DNAH10: variants seen among roughly 807,000 people sequenced by gnomAD.
The protein encoded by DNAH10 is axonemal beta dynein heavy chain 10.
A neutral mutation model predicts 506.6 loss-of-function variants in DNAH10; 348 were observed. The ratio of observed to expected loss-of-function variants is 0.69; its 90% CI spans 0.63 to 0.75. DNAH10 has a LOEUF of 0.75. Ranked by LOEUF, DNAH10 falls within the 30% of genes least tolerant of loss-of-function variation. The pLI is 0.00. For missense variants in DNAH10, 5,179 were observed against 5,787.1 expected (o/e 0.89, Z 3.41); for synonymous variants, 2,059 against 2,198.6 (o/e 0.94, Z 1.78).
chr12:123,826,872 C>T lies in DNAH10; in HGVS notation c.4365C>T (p.Asp1455=). The change falls in exon 25 of 79, where the codon GAC becomes GAT. Residue 1455 remains aspartate (D), a synonymous_variant. Transcript: ENST00000673944. The part of the protein sequence containing the change: ...AFKDSIPLLL[D]LKNEALRDRH... ...AAGACTCGATTCCTTTACTTCTTGA[C>T]TTGAAAAACGAGGCACTAAGAGACA... 6.2e-7 allele frequency: 1 copy of T among 1,613,384 alleles called. No homozygotes were observed. Among genetic ancestry groups the T allele is most frequent in the Non-Finnish European group, 8.5e-7 (1 of 1,179,550 alleles).
At chr12:123,900,274 C>T (rs1953459996) in intron 56 of DNAH10, among the ~76,000 whole-genome samples, 1 of 152,070 alleles carries the variant, frequency 6.6e-6, no homozygotes, top group South Asian at 2.1e-4. Context: ...TATTCCTGGC[C>T]CCCTAGATGT....
chr12:123,852,317 A>T (rs1951207524), intron 35 of DNAH10, among the ~76,000 whole-genome samples: 1 of 152,220 alleles, frequency 6.6e-6, no homozygotes, highest in East Asian at 1.9e-4. Flanking sequence ...CATACGTAAG[A>T]TCTTTCCAGA....
At chr12:123,927,105 C>T (rs57352016) in intron 69 of DNAH10, 11,389 of 406,240 alleles carry the variant, frequency 0.028, 899 homozygotes, top group African/African-American at 0.19. Context: ...TGCAGTGGTG[C>T]GAACATAGCT....
In DNAH10 at chr12:123,914,322, G is replaced by T; in HGVS notation, c.10353-7G>T. 1 of 1,609,586 alleles carries T rather than the reference G, an allele frequency of 6.2e-7. No homozygotes were observed. The highest frequency in any genetic ancestry group is 8.5e-7 in the Non-Finnish European group (1 of 1,177,674). ...CTCACGGCAGCCTCCCTCTCCTCCC[G>T]TGCCAGGTGGCTGAACGACCTGGAT... On this transcript the variant is annotated splice_polypyrimidine_tract_variant and splice_region_variant and intron_variant, in intron 60 of 78. Transcript: ENST00000673944.
rs751357080 is a variant in DNAH10, at chr12:123,774,272, T to G, written c.621+8T>G. 6.4e-7 allele frequency: 1 copy of G among 1,559,218 alleles called. No homozygotes were observed. The highest frequency in any genetic ancestry group is 8.7e-7 in the Non-Finnish European group (1 of 1,148,390). ...AAGAATATTATATGTCAGGTAAACA[T>G]GGAGAAAGGAAGAAATTCTAGTATT... On this transcript the variant is annotated splice_region_variant and intron_variant, in intron 5 of 78. Coordinates refer to ENST00000673944, the MANE Select transcript of DNAH10 (RefSeq NM_001372106.1).
At chr12:123,767,801 C>T in intron 2 of DNAH10, 112 bp downstream of exon 2, 1 of 883,760 alleles carries the variant, frequency 1.1e-6, no homozygotes, top group Admixed American at 2.1e-5. Flanking sequence ...TGGGTATGAA[C>T]CACAAAGAGA....
chr12:123,874,029 C>G (rs553910220), intron 46 of DNAH10, among the ~76,000 whole-genome samples: 1 of 152,178 alleles, frequency 6.6e-6, no homozygotes, highest in South Asian at 2.1e-4. Flanking sequence ...GATAATAATA[C>G]TGTTGTTGGC....
At position 123,934,632 on chromosome 12, in the gene DNAH10, T is replaced by C. The variant is rs1370322118; in HGVS notation, c.13489T>C (p.Ser4497Pro). The C allele has an allele frequency of 3.1e-6, 5 of 1,613,500 alleles. No individual in the cohort carries two copies. Among genetic ancestry groups the C allele is most frequent in the Non-Finnish European group, 3.4e-6 (4 of 1,179,780 alleles). ...NERAGQGCFV[S>P]GLYLEGADWD... is the part of the protein sequence containing the mutation. ...CCTTGTGTCCCTAGGATGCTTTGTC[T>C]CAGGACTGTACCTGGAAGGTGCTGA... Residue 4497 changes from serine (S) to proline (P), a missense_variant, in exon 78 of 79, where the codon TCA becomes CCA. Ser to Pro is a moderately conservative substitution (Grantham distance 74). This residue lies in a region of DNAH10 where 4,844 missense variants were observed against 5,430.5 expected (regional missense o/e 0.89). Transcript: ENST00000673944.
chr12:123,770,057 A>C (rs943558461), intron 2 of DNAH10, among the ~76,000 whole-genome samples: 3 of 151,764 alleles, frequency 2.0e-5, no homozygotes, highest in Admixed American at 1.3e-4. Context: ...CCCAGCCAAC[A>C]TGATGAAACC....
chr12:123,926,870 G>A lies in DNAH10; in HGVS notation c.12105+50G>A, dbSNP rs1263251902. The A allele has an allele frequency of 1.3e-6, 2 of 1,595,924 alleles. No individual in the cohort carries two copies. Among genetic ancestry groups the A allele is most frequent in the Non-Finnish European group, 1.7e-6 (2 of 1,174,106 alleles). On this transcript the variant is annotated intron_variant, in intron 69 of 78. Transcript: ENST00000673944. The surrounding 1 kb of genome is among the most constrained non-coding windows in gnomAD (Gnocchi z 4.1). ...GCTCTACGTTTAGGGGAGGTCCCTG[G>A]TGTCTGCTAAGAAGGAGCTAACCTG...
Position 123,903,219 on chromosome 12 carries a change from C to A in DNAH10, c.9815+106C>A. 5.2e-6 allele frequency: 7 copies of A among 1,355,756 alleles called. No individual in the cohort carries two copies. The highest frequency in any genetic ancestry group is 6.9e-6 in the Non-Finnish European group (7 of 1,017,836). 84.0% of individuals were successfully genotyped at this position (1,355,756 alleles called of 1,614,324 possible). On this transcript the variant is annotated intron_variant, in intron 57 of 78. Coordinates refer to ENST00000673944, the MANE Select transcript of DNAH10 (RefSeq NM_001372106.1). This position sits in a 1 kb window ranked among gnomAD's most constrained non-coding sequence, Gnocchi z 4.6. ...CTTACAAAGGAGCCGATGCCACATGCTGCCACTGTGCCTGGCTCTCTCCAT... is the reference window on the plus strand; with the variant it reads ...CTTACAAAGGAGCCGATGCCACATGATGCCACTGTGCCTGGCTCTCTCCAT...
rs542067208 is a variant in DNAH10, at chr12:123,908,053, T to C, written c.9816-1208T>C. 1.1e-4 allele frequency among the ~76,000 whole-genome samples: 16 copies of C among 147,260 alleles called. 1 individual carries two copies. The South Asian group carries it at 3.2e-3, about 30-fold the overall frequency. ...TCACTGCAGAAAGCCTCCAGGTTGCTGTCTGCTCAGGCTGTCTCCTCCCTG... is the reference window on the plus strand; with the variant it reads ...TCACTGCAGAAAGCCTCCAGGTTGCCGTCTGCTCAGGCTGTCTCCTCCCTG... On this transcript the variant is annotated intron_variant, in intron 57 of 78. Coordinates refer to ENST00000673944, the MANE Select transcript of DNAH10 (RefSeq NM_001372106.1).
rs1264158944 is a variant in DNAH10, at chr12:123,930,664, C to T, written c.12784+91C>T. 8.2e-6 allele frequency: 12 copies of T among 1,460,300 alleles called. 1 individual carries two copies. In the East Asian group the frequency reaches 2.4e-4, roughly 30 times the overall value. 90.5% of individuals were successfully genotyped at this position (1,460,300 alleles called of 1,614,324 possible). ...CCGGCTCCTCTCCTGGTGGGGGCTC[C>T]TCGGCTGGTCAGGTGTGGTCTGTTA... On this transcript the variant is annotated intron_variant, in intron 73 of 78. Coordinates refer to ENST00000673944, the MANE Select transcript of DNAH10 (RefSeq NM_001372106.1).
chr12:123,928,111 G>A lies in DNAH10; in HGVS notation c.12106-276G>A. On this transcript the variant is annotated intron_variant, in intron 69 of 78. Coordinates refer to ENST00000673944, the MANE Select transcript of DNAH10 (RefSeq NM_001372106.1). The surrounding 1 kb of genome is among the most constrained non-coding windows in gnomAD (Gnocchi z 4.9). Reference sequence around the variant, plus strand: ...GGGGACAGGAGCGACTGTGTGGGAGGAGCTGGGACTTCCAGGGCCAGGGAG... The same window carrying A: ...GGGGACAGGAGCGACTGTGTGGGAGAAGCTGGGACTTCCAGGGCCAGGGAG... 1.8e-6 allele frequency: 1 copy of A among 555,110 alleles called. No homozygotes were observed. The highest frequency in any genetic ancestry group is 3.1e-5 in the East Asian group (1 of 32,702). The allele number at this position is 555,110 out of a possible 1,614,324, so 34.4% of individuals were successfully genotyped here.
intron 25 of DNAH10, among the ~76,000 whole-genome samples, chr12:123,830,214 T>G (rs1251539373): frequency 6.6e-6 from 1 of 152,188 alleles, no homozygotes; most frequent in Non-Finnish European, 1.5e-5. Context: ...TCAAAAAGGC[T>G]GAGTGATTCA....
chr12:123,832,816 T>C (rs1178511233), intron 26 of DNAH10, among the ~76,000 whole-genome samples: 1 of 152,178 alleles, frequency 6.6e-6, no homozygotes, highest in East Asian at 1.9e-4. Flanking sequence ...GAGCTTCATG[T>C]CTGAGCCCCA....
chr12:123,801,253 A>C lies in DNAH10; in HGVS notation c.2463-28A>C, dbSNP rs376071204. 2.7e-5 allele frequency: 44 copies of C among 1,606,436 alleles called. No individual in the cohort carries two copies. The African/African-American group carries it at 5.4e-4, about 20-fold the overall frequency. Reference sequence around the variant, plus strand: ...TGATGAGCTTAAAGGTGCTCTCCTCAGGTTTATGACATTCCTGTCATGTGC... The same window carrying C: ...TGATGAGCTTAAAGGTGCTCTCCTCCGGTTTATGACATTCCTGTCATGTGC... On this transcript the variant is annotated intron_variant, in intron 15 of 78. Coordinates refer to ENST00000673944, the MANE Select transcript of DNAH10 (RefSeq NM_001372106.1).
intron 54 of DNAH10, among the ~76,000 whole-genome samples, chr12:123,896,842 A>G (rs988134041): frequency 6.6e-6 from 1 of 152,140 alleles, no homozygotes; most frequent in Non-Finnish European, 1.5e-5. Context: ...TTTTTATTGT[A>G]GTAAAATATA....
Position 123,789,294 on chromosome 12 carries a change from G to T in DNAH10, c.1621-633G>T, listed in dbSNP as rs528992182. 3.3e-5 allele frequency among the ~76,000 whole-genome samples: 5 copies of T among 152,236 alleles called. No homozygotes were observed. The South Asian group carries it at 1.0e-3, about 32-fold the overall frequency. ...CTTCTATGTGGAATCACCGTAGCTA[G>T]TGTGTGCATGGGTATTTCATTGTTA... On this transcript the variant is annotated intron_variant, in intron 10 of 78. Transcript: ENST00000673944.
Sources: gnomAD v4.1 joint callset for allele counts (sites outside exome capture counted in the v4.1 genomes callset) on GRCh38, gnomAD v4.1.1 for gene constraint, gnomAD v4.1.1 regional missense constraint, Gnocchi (gnomAD v3.1) non-coding constraint, MANE v1.5 for transcripts, NCBI Gene and HGNC (gene_info 2026-07-23, HGNC 2026-07-21) for gene names.